Variants in GRIK2 observed in about 807,000 individuals in gnomAD.
The protein encoded by GRIK2 is glutamate ionotropic receptor kainate type subunit 2.
GRIK2 carries 32 observed loss-of-function variants against 100.3 expected under a neutral mutation model. The ratio of observed to expected loss-of-function variants is 0.32; its 90% CI spans 0.24 to 0.43. The LOEUF is 0.43. Among genes scored for constraint, GRIK2 ranks in the 20% least tolerant of loss-of-function variants. The probability of loss-of-function intolerance (pLI) is 1.00; values close to 1 mark genes in which losing one functional copy is unlikely to be tolerated. For synonymous variants in GRIK2, 417 were observed against 389.4 expected (o/e 1.07, Z -0.83); for missense variants, 843 against 1,114.9 (o/e 0.76, Z 3.47).
At chr6:101,882,383 C>T (rs1440505575) in intron 11 of GRIK2, among the ~76,000 whole-genome samples, 1 of 151,998 alleles carries the variant, frequency 6.6e-6, no homozygotes, top group East Asian at 1.9e-4. Context: ...AATATCCTCC[C>T]CCAAAACTCT....
rs921687713 is a variant in GRIK2, at chr6:102,024,043, A to G, written c.2086-11298A>G. Among the ~76,000 whole-genome samples, 3 of 151,242 alleles carry G rather than the reference A, an allele frequency of 2.0e-5. No homozygotes were observed. The Admixed American group carries it at 2.0e-4, about 10-fold the overall frequency. ...AGAGTCTAAAATCATAGAGCAGGAAAGTTGAGTAATTCATTTTGAAAGTAA... is the reference window on the plus strand; with the variant it reads ...AGAGTCTAAAATCATAGAGCAGGAAGGTTGAGTAATTCATTTTGAAAGTAA... On this transcript the variant is annotated intron_variant, in intron 14 of 16. Transcript: ENST00000369134.
At chr6:101,821,851 A>G (rs751299576) in intron 10 of GRIK2, among the ~76,000 whole-genome samples, 1 of 152,046 alleles carries the variant, frequency 6.6e-6, no homozygotes, top group Non-Finnish European at 1.5e-5. Flanking sequence ...CTCTTGAAAT[A>G]TCTTAGAGGA....
chr6:101,432,022 G>C (rs1017006808), intron 2 of GRIK2, among the ~76,000 whole-genome samples: 1 of 152,106 alleles, frequency 6.6e-6, no homozygotes, highest in African/African-American at 2.4e-5. Context: ...AATACACTTT[G>C]AGCAATTTTT....
intron 2 of GRIK2, among the ~76,000 whole-genome samples, chr6:101,552,109 G>A (rs1043916266): frequency 1.3e-5 from 2 of 152,082 alleles, no homozygotes; most frequent in African/African-American, 2.4e-5. Flanking sequence ...GAGGGTAATA[G>A]AAGAATATCT....
chr6:102,028,263 C>T (rs1769805671), intron 14 of GRIK2, among the ~76,000 whole-genome samples: 1 of 151,008 alleles, frequency 6.6e-6, no homozygotes, highest in African/African-American at 2.4e-5. Flanking sequence ...ATTTCTTATT[C>T]CTTTAAAGTT....
At chr6:101,928,678 G>T (rs973470497) in intron 14 of GRIK2, 46 bp downstream of exon 14, 4 of 927,448 alleles carry the variant, frequency 4.3e-6, no homozygotes, top group Non-Finnish European at 7.2e-6. Flanking sequence ...AAATGATAGA[G>T]CGCAAACTTC....
intron 16 of GRIK2, among the ~76,000 whole-genome samples, chr6:102,064,463 T>G: frequency 6.7e-6 from 1 of 150,336 alleles, no homozygotes; most frequent in African/African-American, 2.4e-5. Context: ...TCTCTTTCCC[T>G]CTCTCTCTTT....
chr6:101,854,091 T>A (rs1784286876), intron 10 of GRIK2, among the ~76,000 whole-genome samples: 1 of 152,038 alleles, frequency 6.6e-6, no homozygotes, highest in African/African-American at 2.4e-5. Flanking sequence ...CTGGGAGTGG[T>A]AATGATGTGC....
intron 2 of GRIK2, among the ~76,000 whole-genome samples, chr6:101,608,923 C>T (rs939491747): frequency 1.3e-5 from 2 of 151,540 alleles, no homozygotes; most frequent in Non-Finnish European, 2.9e-5. Flanking sequence ...TAAGCTATGT[C>T]TACACAAAGT....
chr6:101,942,748 A>G (rs576536218), intron 14 of GRIK2, among the ~76,000 whole-genome samples: 9 of 152,308 alleles, frequency 5.9e-5, no homozygotes, highest in Admixed American at 2.0e-4. Flanking sequence ...AACAGCATAC[A>G]GTCATACATG....
chr6:101,883,180 A>C (rs1786376039), intron 11 of GRIK2, among the ~76,000 whole-genome samples: 1 of 151,490 alleles, frequency 6.6e-6, no homozygotes, highest in South Asian at 2.1e-4. Context: ...CCCTACCTTT[A>C]CTACTATGCG....
chr6:102,036,224 TAAGTA>T (rs1026885588), intron 15 of GRIK2, among the ~76,000 whole-genome samples: 2 of 116,292 alleles, frequency 1.7e-5, no homozygotes, highest in Admixed American at 8.4e-5. Flanking sequence ...GATGGTGCCG[TAAGTA>T]AACACACACA....
chr6:101,418,979 C>T (rs540981203), intron 2 of GRIK2, among the ~76,000 whole-genome samples: 5 of 152,258 alleles, frequency 3.3e-5, no homozygotes, highest in Non-Finnish European at 7.4e-5. Context: ...ATAATGTCTA[C>T]ATGACTTCCC....
At chr6:101,646,214 A>T (rs1408488011) in intron 4 of GRIK2, among the ~76,000 whole-genome samples, 2 of 152,020 alleles carry the variant, frequency 1.3e-5, no homozygotes, top group East Asian at 3.9e-4. Context: ...TGGGGAGTGA[A>T]CTAATAGATA....
At chr6:101,576,765 A>C (rs1777809458) in intron 2 of GRIK2, among the ~76,000 whole-genome samples, 1 of 152,066 alleles carries the variant, frequency 6.6e-6, no homozygotes, top group African/African-American at 2.4e-5. Flanking sequence ...ATTGCTGACA[A>C]ACATAAGGCA....
At chr6:101,771,854 G>T (rs1778428917) in intron 7 of GRIK2, among the ~76,000 whole-genome samples, 1 of 151,864 alleles carries the variant, frequency 6.6e-6, no homozygotes, top group Non-Finnish European at 1.5e-5. Context: ...CCCTACAAAG[G>T]ACATGAACTC....
chr6:102,034,645 A>T (rs1208494163), intron 14 of GRIK2, among the ~76,000 whole-genome samples: 5 of 151,366 alleles, frequency 3.3e-5, no homozygotes, highest in Admixed American at 1.3e-4. Context: ...TTTCAGTTGG[A>T]TATAAACACT....
chr6:101,451,314 T>C (rs1165254284), intron 2 of GRIK2, among the ~76,000 whole-genome samples: 1 of 151,790 alleles, frequency 6.6e-6, no homozygotes, highest in Admixed American at 6.6e-5. Context: ...TGCTATATAG[T>C]ACTCCTTGCT....
At chr6:101,801,128 T>G (rs1780642533) in intron 8 of GRIK2, among the ~76,000 whole-genome samples, 1 of 152,126 alleles carries the variant, frequency 6.6e-6, no homozygotes, top group Non-Finnish European at 1.5e-5. Flanking sequence ...ATAAAATTAC[T>G]TGTGCAATTT....
Sources: gnomAD v4.1 joint callset for allele counts (sites outside exome capture counted in the v4.1 genomes callset) on GRCh38, gnomAD v4.1.1 for gene constraint, MANE v1.5 for transcripts, NCBI Gene and HGNC (gene_info 2026-07-23, HGNC 2026-07-21) for gene names.